Variants in TMEM276 observed in about 807,000 individuals in gnomAD.
The protein encoded by TMEM276 is transmembrane protein 276.
chr8:144,466,352 G>T, the TMEM276 span: 1 of 556,518 alleles, frequency 1.8e-6, no homozygotes. Flanking sequence ...TGCGGCGGGC[G>T]GGCGCCGAGT....
At chr8:144,464,009 C>T in the TMEM276 span, 11 of 1,521,886 alleles carry the variant, frequency 7.2e-6, no homozygotes, top group Non-Finnish European at 9.7e-6. Context: ...AGTCAATGTG[C>T]AGCAAACCCA....
chr8:144,466,712 G>T, the TMEM276 span: 2 of 1,428,954 alleles, frequency 1.4e-6, no homozygotes, highest in Admixed American at 4.6e-5. Flanking sequence ...GAAGGGGCCA[G>T]CAGGCTGCCT....
chr8:144,465,468 G>C, the TMEM276 span: 1 of 994,544 alleles, frequency 1.0e-6, no homozygotes, highest in Non-Finnish European at 1.2e-6. Context: ...GAGCGAGCGC[G>C]GTCGGGAACC....
At chr8:144,464,565 G>A in the TMEM276 span, 1 of 1,611,522 alleles carries the variant, frequency 6.2e-7, no homozygotes, top group East Asian at 2.2e-5. Flanking sequence ...GCGTGGTGGT[G>A]GCAGCCAAGA....
the TMEM276 span, chr8:144,464,338 A>G: frequency 1.1e-5 from 17 of 1,612,068 alleles, no homozygotes; most frequent in Non-Finnish European, 1.4e-5. Context: ...GGTCACTGCG[A>G]CCACCAACAG....
At chr8:144,465,249 C>T in the TMEM276 span, 1 of 1,124,374 alleles carries the variant, frequency 8.9e-7, no homozygotes, top group Non-Finnish European at 1.1e-6. Context: ...GCCCACGCGG[C>T]GGCCTCGGCC....
At chr8:144,464,649 G>A in the TMEM276 span, 1,365 of 1,581,636 alleles carry the variant, frequency 8.6e-4, 14 homozygotes, top group Non-Finnish European at 2.0e-4. Flanking sequence ...GTGGGAAAAA[G>A]AGGCCGGGGT....
At chr8:144,464,500 G>A in the TMEM276 span, 1 of 1,612,344 alleles carries the variant, frequency 6.2e-7, no homozygotes, top group South Asian at 1.1e-5. Context: ...GCCGATGACG[G>A]TGGCCACCCA....
chr8:144,466,873 C>T, the TMEM276 span: 2 of 1,535,994 alleles, frequency 1.3e-6, no homozygotes, highest in South Asian at 1.2e-5. Flanking sequence ...GGTGCGAGGG[C>T]GGTGCCGGGA....
At chr8:144,464,224 A>G in the TMEM276 span, 1 of 1,612,936 alleles carries the variant, frequency 6.2e-7, no homozygotes, top group East Asian at 2.2e-5. Context: ...CGGTAGCAGC[A>G]GCAGCCTGTC....
the TMEM276 span, chr8:144,465,147 A>G: frequency 1.4e-5 from 20 of 1,429,604 alleles, no homozygotes; most frequent in Non-Finnish European, 1.8e-5. Flanking sequence ...AAAACGACTC[A>G]GGGTCTAAGC....
the TMEM276 span, chr8:144,464,161 C>T: frequency 9.3e-6 from 15 of 1,612,738 alleles, no homozygotes; most frequent in Admixed American, 1.7e-5. Flanking sequence ...ATGCAGGGCC[C>T]GGCAGTAAGC....
chr8:144,464,513 C>T, the TMEM276 span: 3 of 1,612,316 alleles, frequency 1.9e-6, no homozygotes, highest in Non-Finnish European at 1.7e-6. Flanking sequence ...GCCACCCAGG[C>T]TCCAGCAAGG....
At chr8:144,464,191 G>C in the TMEM276 span, 3 of 1,613,004 alleles carry the variant, frequency 1.9e-6, no homozygotes, top group East Asian at 6.7e-5. Flanking sequence ...TACAGCCAAG[G>C]CCCAGCGACA....
the TMEM276 span, chr8:144,465,519 G>A: frequency 1.4e-5 from 11 of 807,756 alleles, no homozygotes; most frequent in Non-Finnish European, 1.6e-5. Context: ...GGCCGGGCGG[G>A]GCTAGAGCGG....
chr8:144,464,914 G>A, the TMEM276 span: 42 of 1,610,610 alleles, frequency 2.6e-5, no homozygotes, highest in Admixed American at 3.3e-5. Context: ...CACCTCAGGC[G>A]GCAGTATGTA....
At chr8:144,466,396 G>A in the TMEM276 span, 1 of 1,077,722 alleles carries the variant, frequency 9.3e-7, no homozygotes, top group Admixed American at 3.5e-5. Flanking sequence ...CGCGAAGCGG[G>A]GCCCTCTGCC....
At chr8:144,466,492 G>A in the TMEM276 span, 1 of 1,318,458 alleles carries the variant, frequency 7.6e-7, no homozygotes, top group Non-Finnish European at 9.7e-7. Flanking sequence ...CGCCGCGGCG[G>A]CCGCGGAGCC....
the TMEM276 span, chr8:144,465,114 C>G: frequency 6.8e-7 from 1 of 1,479,292 alleles, no homozygotes; most frequent in Non-Finnish European, 9.0e-7. Context: ...GAAGAAGAAC[C>G]TAATTCAGCC....
Sources: allele counts gnomAD v4.1 joint callset, GRCh38; gene constraint gnomAD v4.1.1; transcripts MANE v1.5; gene names NCBI Gene and HGNC (gene_info 2026-07-23, HGNC 2026-07-21).